Variants in FABP9 observed in about 807,000 individuals in gnomAD.
FABP9 encodes the protein fatty acid-binding protein 9.
A neutral mutation model predicts 14.7 loss-of-function variants in FABP9; 11 were observed. The observed-to-expected ratio is 0.75, with a 90% CI of 0.47 to 1.24. The LOEUF (loss-of-function observed/expected upper bound fraction) is 1.24. Among genes scored for constraint, FABP9 ranks in the 50% most tolerant of loss-of-function variants. The pLI is 0.00. For synonymous variants in FABP9, 54 were observed against 50.6 expected, an observed-to-expected ratio of 1.07 and a Z score of -0.29; for missense variants, 171 against 158.2, an observed-to-expected ratio of 1.08 and a Z score of -0.44.
At chr8:81,460,967 T>C (rs1275832503) in intron 1 of FABP9, among the ~76,000 whole-genome samples, 1 of 152,208 alleles carries the variant, frequency 6.6e-6, no homozygotes, top group East Asian at 1.9e-4. Flanking sequence ...TTCAAAACCA[T>C]GTTTATAAAA....
chr8:81,458,357 A>C lies in FABP9; in HGVS notation c.*26T>G, dbSNP rs1807626993. ...AGGTACCAGTTCCTTGTCAGTGAAC[A>C]AGTTTTCATTGCTGTGGACCTTTCT... On this transcript the variant is annotated 3_prime_UTR_variant, in exon 4 of 4. Coordinates refer to ENST00000379071, the MANE Select transcript of FABP9 (RefSeq NM_001080526.2). 3.8e-6 allele frequency: 6 copies of C among 1,583,326 alleles called. No individual in the cohort carries two copies. The highest frequency in any genetic ancestry group is 5.2e-6 in the Non-Finnish European group (6 of 1,152,406).
At chr8:81,458,831 G>A in intron 2 of FABP9, 128 bp from the exon 3 acceptor site, 1 of 686,742 alleles carries the variant, frequency 1.5e-6, no homozygotes, top group South Asian at 2.0e-5. Flanking sequence ...TTGTCATGAT[G>A]TAGTACTATC....
chr8:81,459,464 T>C (rs1485855688), intron 1 of FABP9, 127 bp from the exon 2 acceptor site: 1 of 817,838 alleles, frequency 1.2e-6, no homozygotes. Context: ...ACTTATTTTA[T>C]GTTTTCTGTG....
chr8:81,460,479 G>A (rs570931088), intron 1 of FABP9, among the ~76,000 whole-genome samples: 1 of 152,236 alleles, frequency 6.6e-6, no homozygotes, highest in African/African-American at 2.4e-5. Flanking sequence ...CAAAACAAGT[G>A]AGTCTATAAA....
At chr8:81,459,046 C>T (rs969662542) in intron 2 of FABP9, 119 bp downstream of exon 2, 45 of 828,426 alleles carry the variant, frequency 5.4e-5, no homozygotes, top group Middle Eastern at 3.5e-4. Flanking sequence ...TAGAGATGTG[C>T]GACTATTAAC....
Position 81,458,646 on chromosome 8 carries a change from CTT to C in FABP9, c.302_303del (p.Lys101ArgfsTer11). 6.8e-6 allele frequency: 11 copies of C among 1,613,850 alleles called. No individual in the cohort carries two copies. Among genetic ancestry groups the C allele is most frequent in the Non-Finnish European group, 9.3e-6 (11 of 1,179,876 alleles). On this transcript the variant is annotated frameshift_variant, in exon 3 of 4. Coordinates refer to ENST00000379071, the MANE Select transcript of FABP9 (RefSeq NM_001080526.2). LOFTEE classifies it high-confidence loss of function. ...SMIHVQKWLG[K>X]ETTIKRKIVD... ...ACAATTTTTCTTTTGATTGTTGTCTCTTTGCCAAGCCATTTTTGGACGTGAAT... is the reference window on the plus strand; with the variant it reads ...ACAATTTTTCTTTTGATTGTTGTCTCTGCCAAGCCATTTTTGGACGTGAAT...
chr8:81,458,764 A>G, intron 2 of FABP9, 61 bp from the exon 3 acceptor site: 1 of 1,075,760 alleles, frequency 9.3e-7, no homozygotes, highest in Admixed American at 2.2e-5. Flanking sequence ...ACATGAGACC[A>G]CATATCTACT....
At chr8:81,458,797 C>G in intron 2 of FABP9, 94 bp from the exon 3 acceptor site, 1 of 887,654 alleles carries the variant, frequency 1.1e-6, no homozygotes, top group Non-Finnish European at 1.7e-6. Flanking sequence ...TTTTGAAATT[C>G]TTTTCTTAAA....
rs1289849066 is a variant in FABP9 at position 81,458,365 on chromosome 8, A to G, written c.*18T>C. 2.2e-5 allele frequency: 35 copies of G among 1,599,082 alleles called. No homozygotes were observed. Among genetic ancestry groups the G allele is most frequent in the Middle Eastern group, 1.7e-4 (1 of 6,056 alleles). On this transcript the variant is annotated 3_prime_UTR_variant, in exon 4 of 4. Coordinates refer to ENST00000379071, the MANE Select transcript of FABP9 (RefSeq NM_001080526.2). ...GTTCCTTGTCAGTGAACAAGTTTTC[A>G]TTGCTGTGGACCTTTCTTCACACCT... is the stretch of plus-strand genomic sequence containing the variant.
Position 81,459,295 on chromosome 8 carries a change from G to C in FABP9, c.116C>G (p.Pro39Arg), listed in dbSNP as rs141600603. The C allele has an allele frequency of 1.3e-6, 2 of 1,561,798 alleles. No individual in the cohort carries two copies. The highest frequency in any genetic ancestry group is 1.2e-5 in the South Asian group (1 of 81,026). ...CCCATCAACACTAATAGTTACTGTC[G>C]GTTTCACTAACCCTGCCATGTTCCG... Reference protein sequence around the residue: ...AARNMAGLVKPTVTISVDGKM... With the variant: ...AARNMAGLVKRTVTISVDGKM... The change falls in exon 2 of 4, where the codon CCG becomes CGG. Residue 39 changes from proline to arginine, a missense_variant. Transcript: ENST00000379071.
Position 81,459,226 on chromosome 8 carries a change from T to G in FABP9, c.185A>C (p.Lys62Thr). 6.3e-7 allele frequency: 1 copy of G among 1,593,010 alleles called. No individual in the cohort carries two copies. Among genetic ancestry groups the G allele is most frequent in the South Asian group, 1.2e-5 (1 of 86,708 alleles). ...IRTESSFQDT[K>T]ISFKLGEEFD... is the part of the protein sequence containing the mutation. ...TTCTTCCCCCAGCTTGAAGGAGATC[T>G]TAGTGTCCTGGAAAGAACTTTCTGT... Residue 62 changes from lysine to threonine, a missense_variant, in exon 2 of 4, where the codon AAG becomes ACG. Physicochemically the swap from Lys to Thr is moderately conservative, Grantham distance 78. Coordinates refer to ENST00000379071, the MANE Select transcript of FABP9 (RefSeq NM_001080526.2).
At chr8:81,459,980 T>C (rs993785473) in intron 1 of FABP9, among the ~76,000 whole-genome samples, 1 of 82,950 alleles carries the variant, frequency 1.2e-5, no homozygotes, top group Non-Finnish European at 2.1e-5. Context: ...ACCTCGCAAG[T>C]TTTTTTTTTG....
Position 81,461,574 on chromosome 8 carries a change from A to G in FABP9, c.-51T>C, listed in dbSNP as rs376175527. ...ACTCGTAATTGAAAACCAAAGAAAT[A>G]TAGGCATTACGGTGCTGCCAGTAGT... On this transcript the variant is annotated 5_prime_UTR_variant, in exon 1 of 4. Transcript: ENST00000379071. 1.8e-4 allele frequency: 251 copies of G among 1,382,164 alleles called. No homozygotes were observed. The highest frequency in any genetic ancestry group is 2.0e-4 in the Admixed American group (12 of 59,658). The allele number at this position is 1,382,164 out of a possible 1,614,324, so 85.6% of individuals were successfully genotyped here.
At chr8:81,460,419 T>C (rs1236394589) in intron 1 of FABP9, among the ~76,000 whole-genome samples, 1 of 152,184 alleles carries the variant, frequency 6.6e-6, no homozygotes, top group Non-Finnish European at 1.5e-5. Context: ...ACACAAGTGC[T>C]ACTCTGGCCA....
At chr8:81,460,189 G>T (rs1264184893) in intron 1 of FABP9, among the ~76,000 whole-genome samples, 2 of 151,980 alleles carry the variant, frequency 1.3e-5, no homozygotes, top group Non-Finnish European at 2.9e-5. Context: ...TAGTAGAGAT[G>T]GGGTTTCACC....
rs188083853 is a variant in FABP9 at position 81,459,322 on chromosome 8, G to T, written c.89C>A (p.Ala30Asp). ...YMKELGVNFAARNMAGLVKPT... is the reference protein window; with the variant it reads ...YMKELGVNFADRNMAGLVKPT... The stretch of plus-strand genomic sequence containing the variant: ...TTTCACTAACCCTGCCATGTTCCGG[G>T]CTGCGAAATTCACTCCTACAAGACA... The change falls in exon 2 of 4, where the codon GCC (alanine) becomes GAC (aspartate). Residue 30 changes from alanine to aspartate, a missense_variant. Ala to Asp is a moderately radical substitution (Grantham distance 126). Transcript: ENST00000379071. 436 of 1,530,308 alleles carry T rather than the reference G, an allele frequency of 2.8e-4. No individual in the cohort carries two copies. Among genetic ancestry groups the T allele is most frequent in the Non-Finnish European group, 1.3e-4 (152 of 1,149,788 alleles). The allele number at this position is 1,530,308 out of a possible 1,614,324, so 94.8% of individuals were successfully genotyped here.
intron 2 of FABP9, 66 bp downstream of exon 2, chr8:81,459,099 A>G: frequency 2.1e-6 from 3 of 1,402,860 alleles, no homozygotes; most frequent in Admixed American, 2.4e-5. Context: ...AAATTACAGT[A>G]AACCATGCCT....
Position 81,458,407 on chromosome 8 carries a change from G to C in FABP9, c.375C>G (p.Ser125Arg). Residue 125 changes from serine (S) to arginine (R), a missense_variant, in exon 4 of 4, where the codon AGC (serine) becomes AGG (arginine). By Grantham distance (110) the Ser-to-Arg change is moderately radical. Transcript: ENST00000379071. ...TTCACACCTTTTCGTAGATTCTGGT[G>C]CTGACAATATTATTCATTTTACATT... The part of the protein sequence containing the change: ...VVECKMNNIV[S>R]TRIYEKV The C allele has an allele frequency of 6.2e-7, 1 of 1,612,548 alleles. No homozygotes were observed. Among genetic ancestry groups the C allele is most frequent in the Non-Finnish European group, 8.5e-7 (1 of 1,178,732 alleles).
chr8:81,458,324 T>C lies in FABP9; in HGVS notation c.*59A>G, dbSNP rs182985207. 7.0e-5 allele frequency: 93 copies of C among 1,330,392 alleles called. 1 individual carries two copies. The East Asian group carries it at 1.2e-3, about 17-fold the overall frequency. The allele number at this position is 1,330,392 out of a possible 1,614,324, so 82.4% of individuals were successfully genotyped here. ...TAAAAATCACCAGCCCTGAGGCATA[T>C]CTTCTTCAGGTACCAGTTCCTTGTC... is the stretch of plus-strand genomic sequence containing the variant. On this transcript the variant is annotated 3_prime_UTR_variant, in exon 4 of 4. Coordinates refer to ENST00000379071, the MANE Select transcript of FABP9 (RefSeq NM_001080526.2).
Sources: gnomAD v4.1 joint callset for allele counts (sites outside exome capture counted in the v4.1 genomes callset) on GRCh38, gnomAD v4.1.1 for gene constraint, MANE v1.5 for transcripts, NCBI Gene and HGNC (gene_info 2026-07-23, HGNC 2026-07-21) for gene names.